The following GRIK4 variants were observed in gnomAD, a reference collection of about 807,000 sequenced individuals.
The protein encoded by GRIK4 is glutamate ionotropic receptor kainate type subunit 4.
Under a neutral mutation model 104.9 loss-of-function variants are expected in GRIK4, and 40 were observed. The ratio of observed to expected loss-of-function variants is 0.38; its 90% CI spans 0.30 to 0.50. GRIK4 has a LOEUF of 0.50. Among genes scored for constraint, GRIK4 ranks in the 20% least tolerant of loss-of-function variants. The pLI is 0.93. For missense variants in GRIK4, 1,047 were observed against 1,308.1 expected (o/e 0.80, Z 3.08); for synonymous variants, 485 against 524.9 (o/e 0.92, Z 1.04).
chr11:120,848,166 G>A (rs559290696), intron 8 of GRIK4, among the ~76,000 whole-genome samples: 2 of 152,198 alleles, frequency 1.3e-5, no homozygotes, highest in Non-Finnish European at 2.9e-5. Flanking sequence ...CTGGGCAGCC[G>A]TTGAGGGGGC....
At chr11:120,680,389 C>T (rs1344180424) in intron 3 of GRIK4, among the ~76,000 whole-genome samples, 1 of 152,120 alleles carries the variant, frequency 6.6e-6, no homozygotes, top group African/African-American at 2.4e-5. Context: ...GGCCCGATGG[C>T]CTTTTCTATC....
chr11:120,826,775 A>G (rs977003293), intron 6 of GRIK4, among the ~76,000 whole-genome samples: 21 of 152,268 alleles, frequency 1.4e-4, no homozygotes, highest in African/African-American at 4.8e-4. Flanking sequence ...TCCTGGAGCA[A>G]AGCTTAGGTG....
chr11:120,745,754 T>C (rs1951427526), intron 3 of GRIK4, among the ~76,000 whole-genome samples: 2 of 152,272 alleles, frequency 1.3e-5, no homozygotes, highest in African/African-American at 4.8e-5. Context: ...AATTGGTGAT[T>C]TTGCTTATTT....
chr11:120,831,765 A>G (rs943806699), intron 6 of GRIK4, 87 bp from the exon 7 acceptor site: 3 of 1,000,422 alleles, frequency 3.0e-6, no homozygotes, highest in Middle Eastern at 2.2e-4. Context: ...CTTCCAGCCC[A>G]CATCTCCGTG....
chr11:120,915,591 G>A (rs1943089511), intron 13 of GRIK4, among the ~76,000 whole-genome samples: 2 of 152,120 alleles, frequency 1.3e-5, no homozygotes, highest in East Asian at 1.9e-4. Flanking sequence ...ACCTGCGCTC[G>A]GTGGAGGGCT....
intron 3 of GRIK4, among the ~76,000 whole-genome samples, chr11:120,795,078 G>A: frequency 6.6e-6 from 1 of 152,248 alleles, no homozygotes; most frequent in Non-Finnish European, 1.5e-5. Context: ...ACTTTTTCTT[G>A]TTAACACAGG....
intron 13 of GRIK4, among the ~76,000 whole-genome samples, chr11:120,929,059 G>A (rs1261684275): frequency 6.6e-6 from 1 of 151,868 alleles, no homozygotes; most frequent in African/African-American, 2.4e-5. Context: ...GTTGGCACAG[G>A]TGAACAATTG....
chr11:120,857,468 A>G (rs1235664299), intron 8 of GRIK4, among the ~76,000 whole-genome samples: 1 of 150,434 alleles, frequency 6.6e-6, no homozygotes, highest in East Asian at 2.0e-4. Flanking sequence ...ATACCATTGT[A>G]TACACAAAGA....
rs141354123 is a variant in GRIK4 at position 120,872,469 on chromosome 11, C to T, written c.907-1597C>T. The T allele has an allele frequency of 7.5e-3, 1,185 of 157,220 alleles. 19 individuals are homozygous for T. Among genetic ancestry groups the T allele is most frequent in the African/African-American group, 0.027 (1,109 of 41,532 alleles). The allele number at this position is 157,220 out of a possible 1,614,324, so 9.7% of individuals were successfully genotyped here. A position where few individuals can be genotyped will look rare whatever the true frequency, so the allele number is the denominator to read the frequency against. On this transcript the variant is annotated intron_variant, in intron 9 of 20. Transcript: ENST00000527524. ...GGAGGCAGGCTGTAAGCAGTTGGTC[C>T]CCTGGAATGGTGGTCTCACAAGGGT...
At chr11:120,553,518 A>G (rs993305761) in intron 1 of GRIK4, among the ~76,000 whole-genome samples, 79 of 152,238 alleles carry the variant, frequency 5.2e-4, no homozygotes, top group Admixed American at 2.6e-4. Context: ...AAAGGGATTT[A>G]AAGTCTCTGA....
At chr11:120,678,056 A>G (rs56391665) in intron 3 of GRIK4, among the ~76,000 whole-genome samples, 14,039 of 152,232 alleles carry the variant, frequency 0.092, 1,739 homozygotes, top group African/African-American at 0.28. Context: ...CCCATGCTCT[A>G]TCTATTACAC....
At chr11:120,751,967 G>A (rs1238147208) in intron 3 of GRIK4, among the ~76,000 whole-genome samples, 1 of 152,172 alleles carries the variant, frequency 6.6e-6, no homozygotes, top group South Asian at 2.1e-4. Context: ...GACACCCTCT[G>A]AGGACCCTCT....
chr11:120,741,315 G>A (rs1023404312), intron 3 of GRIK4, among the ~76,000 whole-genome samples: 1 of 119,460 alleles, frequency 8.4e-6, no homozygotes, highest in African/African-American at 3.2e-5. Flanking sequence ...GAGTCTCACT[G>A]TCACCCAGGC....
At chr11:120,699,005 T>C in intron 3 of GRIK4, among the ~76,000 whole-genome samples, 1 of 152,220 alleles carries the variant, frequency 6.6e-6, no homozygotes, top group Admixed American at 6.5e-5. Context: ...TGGGGATAAA[T>C]TCTATCTGGA....
At chr11:120,598,205 C>T (rs1365226298) in intron 1 of GRIK4, among the ~76,000 whole-genome samples, 2 of 152,160 alleles carry the variant, frequency 1.3e-5, no homozygotes, top group Non-Finnish European at 2.9e-5. Flanking sequence ...ATCTGTTGAG[C>T]CCTTGCTGTG....
chr11:120,617,376 CTTAT>C (rs1303931253), intron 1 of GRIK4, among the ~76,000 whole-genome samples: 3 of 151,340 alleles, frequency 2.0e-5, no homozygotes, highest in African/African-American at 7.3e-5. Flanking sequence ...TTTATTTTAT[CTTAT>C]TTATTTATTT....
At chr11:120,948,863 C>T (rs1317874149) in intron 14 of GRIK4, among the ~76,000 whole-genome samples, 1 of 152,150 alleles carries the variant, frequency 6.6e-6, no homozygotes, top group East Asian at 1.9e-4. Context: ...TCCAAAACAA[C>T]CCCACGAGGT....
intron 14 of GRIK4, among the ~76,000 whole-genome samples, chr11:120,944,274 A>G (rs114472033): frequency 7.2e-6 from 1 of 138,456 alleles, no homozygotes; most frequent in Non-Finnish European, 1.5e-5. Flanking sequence ...GTCCTTTTCT[A>G]TTCTTATTCT....
chr11:120,775,038 C>G (rs141956179), intron 3 of GRIK4, among the ~76,000 whole-genome samples: 3 of 152,254 alleles, frequency 2.0e-5, no homozygotes, highest in Non-Finnish European at 4.4e-5. Context: ...TCCTTCCTTC[C>G]CTTCCCCTCC....
Sources: allele counts gnomAD v4.1 joint callset (sites outside exome capture counted in the v4.1 genomes callset), GRCh38; gene constraint gnomAD v4.1.1; transcripts MANE v1.5; gene names NCBI Gene and HGNC (gene_info 2026-07-23, HGNC 2026-07-21).